TAFA2: variants seen among roughly 807,000 people sequenced by gnomAD.
The protein encoded by TAFA2 is TAFA chemokine like family member 2, also known as chemokine-like protein TAFA-2.
TAFA2 carries 7 observed loss-of-function variants against 18.8 expected under a neutral mutation model. That is an observed-to-expected ratio of 0.37 (90% CI 0.21 to 0.70). TAFA2 has a LOEUF of 0.70. Ranked by LOEUF, TAFA2 falls within the 30% of genes least tolerant of loss-of-function variation. TAFA2 has a pLI of 0.53. For synonymous variants in TAFA2, 60 were observed against 54.2 expected, an observed-to-expected ratio of 1.11 and a Z score of -0.47; for missense variants, 122 against 158.1, an observed-to-expected ratio of 0.77 and a Z score of 1.23.
intron 1 of TAFA2, among the ~76,000 whole-genome samples, chr12:62,044,678 G>A (rs75041327): frequency 0.032 from 4,858 of 152,146 alleles, 253 homozygotes; most frequent in African/African-American, 0.11. Flanking sequence ...CTTCAGTCAC[G>A]TGCCAAACAA....
In TAFA2 at chr12:62,180,257, G is replaced by A. The variant is rs117924133; in HGVS notation, c.-2+11002C>T. 3.2e-3 allele frequency among the ~76,000 whole-genome samples: 487 copies of A among 152,222 alleles called. 2 individuals carry two copies. Among genetic ancestry groups the A allele is most frequent in the Admixed American group, 5.0e-3 (76 of 15,276 alleles). Reference sequence around the variant, plus strand: ...AGAATAGATACATCTTTTTCAATAAGTACCACCGTAGCCATAGCTCAAAAA... The same window carrying A: ...AGAATAGATACATCTTTTTCAATAAATACCACCGTAGCCATAGCTCAAAAA... On this transcript the variant is annotated intron_variant, in intron 1 of 4. Coordinates refer to ENST00000416284, the MANE Select transcript of TAFA2 (RefSeq NM_178539.5).
At chr12:62,159,074 G>T (rs1426045909) in intron 1 of TAFA2, among the ~76,000 whole-genome samples, 2 of 152,142 alleles carry the variant, frequency 1.3e-5, no homozygotes. Flanking sequence ...CTGTTGACAG[G>T]AAACATAATT....
At chr12:62,059,880 T>C (rs1882299088) in intron 1 of TAFA2, among the ~76,000 whole-genome samples, 1 of 152,204 alleles carries the variant, frequency 6.6e-6, no homozygotes, top group Non-Finnish European at 1.5e-5. Context: ...TATATTTTAA[T>C]TTGAACTTTT....
At chr12:62,161,352 T>A (rs143649293) in intron 1 of TAFA2, among the ~76,000 whole-genome samples, 73 of 152,310 alleles carry the variant, frequency 4.8e-4, no homozygotes, top group African/African-American at 1.8e-3. Context: ...TGTCTATATA[T>A]AATGGAATAC....
intron 4 of TAFA2, among the ~76,000 whole-genome samples, chr12:61,714,791 T>G (rs976561790): frequency 2.6e-5 from 4 of 152,198 alleles, no homozygotes; most frequent in African/African-American, 7.2e-5. Context: ...ATCTTAAAAT[T>G]CTTACAATCA....
intron 1 of TAFA2, among the ~76,000 whole-genome samples, chr12:61,985,394 G>A (rs1003783152): frequency 2.0e-5 from 3 of 152,152 alleles, no homozygotes; most frequent in Non-Finnish European, 4.4e-5. Context: ...TTGAGGGGAG[G>A]AAGACAATAA....
At chr12:62,256,515 T>C (rs2062939826) in intron 1 of TAFA2, among the ~76,000 whole-genome samples, 1 of 152,178 alleles carries the variant, frequency 6.6e-6, no homozygotes, top group Non-Finnish European at 1.5e-5. Flanking sequence ...TATTTGAGTT[T>C]CAGCCTCCGA....
chr12:61,716,565 T>A (rs1869668871), intron 4 of TAFA2, among the ~76,000 whole-genome samples: 1 of 152,294 alleles, frequency 6.6e-6, no homozygotes, highest in South Asian at 2.1e-4. Context: ...AAATCTTATA[T>A]GATATTAGCT....
At chr12:62,171,764 T>C (rs1314561784) in intron 1 of TAFA2, among the ~76,000 whole-genome samples, 1 of 152,202 alleles carries the variant, frequency 6.6e-6, no homozygotes, top group African/African-American at 2.4e-5. Context: ...TATTTTATTA[T>C]AGCAGTCCAA....
intron 2 of TAFA2, among the ~76,000 whole-genome samples, chr12:61,765,426 T>C (rs1038658201): frequency 6.6e-6 from 1 of 152,096 alleles, no homozygotes; most frequent in Non-Finnish European, 1.5e-5. Flanking sequence ...TTGATGTATA[T>C]CTGTTATAGT....
At chr12:61,939,101 TG>T (rs1270752259) in intron 1 of TAFA2, among the ~76,000 whole-genome samples, 1 of 152,162 alleles carries the variant, frequency 6.6e-6, no homozygotes, top group East Asian at 1.9e-4. Flanking sequence ...TACTGAGCAT[TG>T]TGAGTCCAGG....
intron 1 of TAFA2, among the ~76,000 whole-genome samples, chr12:61,984,513 A>G (rs1007671265): frequency 3.9e-5 from 6 of 152,314 alleles, no homozygotes; most frequent in Admixed American, 2.0e-4. Context: ...TCCATCACAT[A>G]TCTTGAAATC....
chr12:62,173,695 C>G (rs2062494035), intron 1 of TAFA2, among the ~76,000 whole-genome samples: 2 of 152,272 alleles, frequency 1.3e-5, no homozygotes, highest in South Asian at 4.1e-4. Flanking sequence ...TCTATATGAA[C>G]CAATGAATGC....
chr12:61,740,043 G>T (rs1475752926), intron 4 of TAFA2, among the ~76,000 whole-genome samples: 1 of 152,026 alleles, frequency 6.6e-6, no homozygotes, highest in Non-Finnish European at 1.5e-5. Context: ...CATTCAATTT[G>T]CAAGCATTCT....
intron 1 of TAFA2, among the ~76,000 whole-genome samples, chr12:61,895,418 G>A (rs1457387232): frequency 1.3e-5 from 2 of 151,708 alleles, no homozygotes; most frequent in East Asian, 1.9e-4. Context: ...CTAATCTACC[G>A]ACTCACACAC....
chr12:62,109,096 G>A (rs968775471), intron 1 of TAFA2, among the ~76,000 whole-genome samples: 1 of 152,124 alleles, frequency 6.6e-6, no homozygotes, highest in African/African-American at 2.4e-5. Context: ...TTTCTTCTAG[G>A]ATTTTTATGG....
chr12:62,105,408 C>G (rs891401492), intron 1 of TAFA2, among the ~76,000 whole-genome samples: 3 of 152,010 alleles, frequency 2.0e-5, no homozygotes, highest in Non-Finnish European at 4.4e-5. Context: ...TTAATTTGTT[C>G]AGAAGTAAGT....
At chr12:62,094,133 C>T (rs920738490) in intron 1 of TAFA2, among the ~76,000 whole-genome samples, 1 of 152,022 alleles carries the variant, frequency 6.6e-6, no homozygotes, top group African/African-American at 2.4e-5. Flanking sequence ...GTTCCCCATT[C>T]TTCTCAGGGT....
intron 1 of TAFA2, among the ~76,000 whole-genome samples, chr12:62,169,692 A>G (rs1015106677): frequency 2.0e-5 from 3 of 152,042 alleles, no homozygotes; most frequent in African/African-American, 7.2e-5. Context: ...GCTACTAAAA[A>G]TACAAAAAAT....
Sources: gnomAD v4.1 joint callset for allele counts (sites outside exome capture counted in the v4.1 genomes callset) on GRCh38, gnomAD v4.1.1 for gene constraint, MANE v1.5 for transcripts, NCBI Gene and HGNC (gene_info 2026-07-23, HGNC 2026-07-21) for gene names.